Variants in GPHN observed in about 807,000 individuals in gnomAD.
The protein encoded by GPHN is gephyrin.
Under a neutral mutation model 95.5 loss-of-function variants are expected in GPHN, and 17 were observed. The ratio of observed to expected loss-of-function variants is 0.18; its 90% CI spans 0.12 to 0.27. GPHN has a LOEUF of 0.27. Ranked by LOEUF, GPHN falls within the 10% of genes least tolerant of loss-of-function variation. GPHN has a pLI of 1.00. For synonymous variants in GPHN, 320 were observed against 322.5 expected (o/e 0.99, Z 0.08); for missense variants, 660 against 978.1 (o/e 0.67, Z 4.34).
intron 9 of GPHN, among the ~76,000 whole-genome samples, chr14:66,967,813 T>G (rs1276451924): frequency 2.6e-5 from 4 of 151,784 alleles, no homozygotes; most frequent in Non-Finnish European, 5.9e-5. Flanking sequence ...GGAACTTCAT[T>G]TAGATAGGGT....
intron 9 of GPHN, among the ~76,000 whole-genome samples, chr14:66,974,286 T>G (rs2070044992): frequency 6.6e-6 from 1 of 152,182 alleles, no homozygotes; most frequent in Admixed American, 6.5e-5. Flanking sequence ...TAACTTATTT[T>G]CAATAGTTTT....
At chr14:67,621,156 G>C in the GPHN span, among the ~76,000 whole-genome samples, 73 of 152,324 alleles carry the variant, frequency 4.8e-4, no homozygotes, top group African/African-American at 1.8e-3. Context: ...GCAATAAAGA[G>C]TGTGTTGGAA....
chr14:67,724,467 CG>C, the GPHN span: 1 of 1,590,518 alleles, frequency 6.3e-7, no homozygotes. Flanking sequence ...TTTCCCTTGC[CG>C]ATAGGAAGTT....
At chr14:67,499,874 C>A in the GPHN span, among the ~76,000 whole-genome samples, 2 of 151,922 alleles carry the variant, frequency 1.3e-5, no homozygotes, top group Non-Finnish European at 2.9e-5. Context: ...CTTCAATTGA[C>A]GGGATAGCTT....
At chr14:66,815,802 A>T (rs548454261) in intron 3 of GPHN, among the ~76,000 whole-genome samples, 1 of 152,332 alleles carries the variant, frequency 6.6e-6, no homozygotes, top group Admixed American at 6.5e-5. Context: ...AAATCCACAC[A>T]TATCAATACT....
At chr14:66,602,567 A>T (rs139086962) in intron 1 of GPHN, among the ~76,000 whole-genome samples, 2 of 151,992 alleles carry the variant, frequency 1.3e-5, no homozygotes, top group African/African-American at 4.8e-5. Context: ...AAAGGATTCA[A>T]TTTTTCATCA....
At chr14:66,802,449 A>G (rs2060391578) in intron 3 of GPHN, among the ~76,000 whole-genome samples, 1 of 151,798 alleles carries the variant, frequency 6.6e-6, no homozygotes, top group South Asian at 2.1e-4. Context: ...TTGATGCTCA[A>G]CCCCCTGTGG....
chr14:67,051,504 T>G (rs1291644561), intron 10 of GPHN, among the ~76,000 whole-genome samples: 1 of 152,066 alleles, frequency 6.6e-6, no homozygotes, highest in African/African-American at 2.4e-5. Context: ...CTGAAAGAGA[T>G]GGGAGAATGG....
chr14:67,311,253 G>A, the GPHN span, among the ~76,000 whole-genome samples: 9 of 148,450 alleles, frequency 6.1e-5, no homozygotes, highest in Non-Finnish European at 1.0e-4. Flanking sequence ...GGAGTTTGCA[G>A]TGAGCCAAGA....
At position 67,113,132 on chromosome 14, in the gene GPHN, T is replaced by C. The variant is rs1595192359; in HGVS notation, c.1587T>C (p.Asn529=). 6.2e-7 allele frequency: 1 copy of C among 1,613,970 alleles called. No homozygotes were observed. ...ATVGVTEVEV[N]KFPVVAVMST... The stretch of plus-strand genomic sequence containing the variant: ...TAGGTGTCACAGAGGTTGAAGTTAA[T>C]AAGTTTCCAGTGGTTGCAGTCATGT... The change falls in exon 16 of 23, where the codon AAT becomes AAC. Residue 529 remains asparagine, a synonymous_variant. Coordinates refer to ENST00000478722, the MANE Select transcript of GPHN (RefSeq NM_020806.5).
the GPHN span, among the ~76,000 whole-genome samples, chr14:67,708,911 G>A: frequency 2.0e-5 from 3 of 151,460 alleles, no homozygotes; most frequent in East Asian, 5.9e-4. Context: ...TCCTGCCTCA[G>A]CCTCACGAGT....
chr14:67,342,557 C>CTTTTTTT, the GPHN span, among the ~76,000 whole-genome samples: 3 of 136,988 alleles, frequency 2.2e-5, no homozygotes, highest in East Asian at 4.2e-4. Flanking sequence ...ACGAATTATC[C>CTTTTTTT]TTTTTTTTTT....
chr14:67,124,705 C>T (rs556747570), intron 17 of GPHN, among the ~76,000 whole-genome samples: 2 of 152,218 alleles, frequency 1.3e-5, no homozygotes, highest in South Asian at 2.1e-4. Context: ...CCTCTAAGTG[C>T]GTTAATGAGC....
intron 1 of GPHN, among the ~76,000 whole-genome samples, chr14:66,513,055 G>A (rs773233996): frequency 1.7e-4 from 26 of 151,648 alleles, no homozygotes; most frequent in Non-Finnish European, 3.0e-4. Flanking sequence ...GAAATAGATT[G>A]TTATTTTGTG....
At chr14:67,443,325 A>G in the GPHN span, among the ~76,000 whole-genome samples, 3,010 of 152,362 alleles carry the variant, frequency 0.02, 178 homozygotes, top group South Asian at 0.12. Flanking sequence ...GCTAAGAAGT[A>G]GAAACAAGTG....
chr14:66,778,296 TACAAACC>T (rs1410747318), intron 3 of GPHN, among the ~76,000 whole-genome samples: 1 of 152,198 alleles, frequency 6.6e-6, no homozygotes, highest in African/African-American at 2.4e-5. Flanking sequence ...CAAGGAGAAC[TACAAACC>T]ACTGCTCAGT....
intron 4 of GPHN, among the ~76,000 whole-genome samples, chr14:66,833,251 C>A (rs566062107): frequency 6.6e-6 from 1 of 152,016 alleles, no homozygotes; most frequent in Non-Finnish European, 1.5e-5. Context: ...CTTCACATGG[C>A]GGCAGCAAGT....
At chr14:67,343,530 CATTTG>C in the GPHN span, 2 of 900,024 alleles carry the variant, frequency 2.2e-6, no homozygotes, top group Non-Finnish European at 3.5e-6. Context: ...TTGTAGAAAA[CATTTG>C]AGAACCAAGA....
the GPHN span, among the ~76,000 whole-genome samples, chr14:67,522,053 T>A: frequency 2.0e-5 from 3 of 152,088 alleles, no homozygotes; most frequent in Non-Finnish European, 4.4e-5. Flanking sequence ...GCGTGCCTGT[T>A]ATCCCAGCTA....
Sources: gnomAD v4.1 joint callset for allele counts (sites outside exome capture counted in the v4.1 genomes callset) on GRCh38, gnomAD v4.1.1 for gene constraint, MANE v1.5 for transcripts, NCBI Gene and HGNC (gene_info 2026-07-23, HGNC 2026-07-21) for gene names.